SLC46A1: variants seen among roughly 807,000 people sequenced by gnomAD.
SLC46A1 encodes the protein proton-coupled folate transporter.
SLC46A1 carries 17 observed loss-of-function variants against 32.1 expected under a neutral mutation model. The observed-to-expected ratio is 0.53, with a 90% CI of 0.36 to 0.79. The LOEUF is 0.79. Among genes scored for constraint, SLC46A1 ranks in the 30% least tolerant of loss-of-function variants. The probability of loss-of-function intolerance (pLI) is 0.00; values close to 1 mark genes in which losing one functional copy is unlikely to be tolerated. For missense variants in SLC46A1, 517 were observed against 588.2 expected, an observed-to-expected ratio of 0.88 and a Z score of 1.25; for synonymous variants, 240 against 262.7, an observed-to-expected ratio of 0.91 and a Z score of 0.84.
Position 28,405,398 on chromosome 17 carries a change from G to C in SLC46A1, c.299C>G (p.Ser100Trp). 1 of 1,587,492 alleles carries C rather than the reference G, an allele frequency of 6.3e-7. No homozygotes were observed. Among genetic ancestry groups the C allele is most frequent in the Non-Finnish European group, 8.6e-7 (1 of 1,167,654 alleles). Reference protein sequence around the residue: ...NVGGFLVGLFSSTLLGAWSDS... With the variant: ...NVGGFLVGLFWSTLLGAWSDS... ...GCTCCAAGCTCCCAGCAGGGTGGAC[G>C]AGAAGAGCCCCACCAGGAAGCCGCC... is the stretch of plus-strand genomic sequence containing the variant. Residue 100 changes from serine to tryptophan, a missense_variant, in exon 2 of 5, where the codon TCG becomes TGG. Ser to Trp is a radical substitution (Grantham distance 177, BLOSUM62 -3). Transcript: ENST00000612814.
chr17:28,399,725 CAG>C lies in SLC46A1; in HGVS notation c.1323-14_1323-13del, dbSNP rs1236055615. ...CCTTTTCCAGCATCCTGTGAGAGAC[CAG>C]AGAGAGAGTTTGGATTTCATGTGGG... On this transcript the variant is annotated splice_polypyrimidine_tract_variant and intron_variant, in intron 4 of 4. Coordinates refer to ENST00000612814, the MANE Select transcript of SLC46A1 (RefSeq NM_080669.6). The C allele has an allele frequency of 1.9e-6, 3 of 1,613,602 alleles. No individual in the cohort carries two copies. Among genetic ancestry groups the C allele is most frequent in the Middle Eastern group, 1.6e-4 (1 of 6,084 alleles).
Position 28,404,713 on chromosome 17 carries a change from G to A in SLC46A1, c.984C>T (p.Cys328=), listed in dbSNP as rs782162759. ...TCTCAGCTACCCAGGCATCGGCCAGGCAGTACTGCAGGAGCTTCAGGGCCA... is the reference window on the plus strand; with the variant it reads ...TCTCAGCTACCCAGGCATCGGCCAGACAGTACTGCAGGAGCTTCAGGGCCA... ...SLLALKLLQY[C]LADAWVAEIG... is the part of the protein sequence containing the mutation. The change falls in exon 2 of 5, where the codon TGC becomes TGT. Residue 328 remains cysteine (C), a synonymous_variant. Transcript: ENST00000612814. 6.2e-7 allele frequency: 1 copy of A among 1,614,024 alleles called. No homozygotes were observed. The highest frequency in any genetic ancestry group is 8.5e-7 in the Non-Finnish European group (1 of 1,179,890).
chr17:28,405,659 C>T (rs1361193875), intron 1 of SLC46A1, 191 bp from the exon 2 acceptor site: 32 of 983,064 alleles, frequency 3.3e-5, no homozygotes, highest in Non-Finnish European at 4.7e-5. Flanking sequence ...ATTCCCTTTC[C>T]TTTCCCCCCC....
chr17:28,404,893 G>A lies in SLC46A1; in HGVS notation c.804C>T (p.Ala268=). 1.9e-6 allele frequency: 3 copies of A among 1,614,046 alleles called. No homozygotes were observed. Among genetic ancestry groups the A allele is most frequent in the Non-Finnish European group, 1.7e-6 (2 of 1,179,906 alleles). ...PAPEKSRKHL[A]LYSLAIFVVI... ...CCACGAAGATGGCCAGTGAGTAGAGGGCTAAATGTTTCCTGGACTTCTCTG... is the reference window on the plus strand; with the variant it reads ...CCACGAAGATGGCCAGTGAGTAGAGAGCTAAATGTTTCCTGGACTTCTCTG... The change falls in exon 2 of 5, where the codon GCC becomes GCT. Residue 268 remains alanine, a synonymous_variant. Coordinates refer to ENST00000612814, the MANE Select transcript of SLC46A1 (RefSeq NM_080669.6).
intron 3 of SLC46A1, 161 bp downstream of exon 3, chr17:28,402,077 C>T (rs2142458478): frequency 3.3e-6 from 2 of 600,614 alleles, no homozygotes; most frequent in East Asian, 2.8e-5. Context: ...ATCCTCTGCC[C>T]ATTGTGGGCA....
Position 28,404,981 on chromosome 17 carries a change from G to C in SLC46A1, c.716C>G (p.Ser239Cys). The C allele has an allele frequency of 6.2e-7, 1 of 1,614,044 alleles. No individual in the cohort carries two copies. The highest frequency in any genetic ancestry group is 8.5e-7 in the Non-Finnish European group (1 of 1,179,898). ...GTGACGGAACGTGAAGAGCCGGGTG[G>C]ACTTTGGCTCCTTTAAGGTCTCACC... ...CFGETLKEPK[S>C]TRLFTFRHHR... The change falls in exon 2 of 5, where the codon TCC becomes TGC. Residue 239 changes from serine (S) to cysteine (C), a missense_variant. By Grantham distance (112) the Ser-to-Cys change is moderately radical. Transcript: ENST00000612814.
In SLC46A1 at chr17:28,404,693, G is replaced by T. The variant is rs281875208; in HGVS notation, c.1004C>A (p.Ala335Asp). The part of the protein sequence containing the change: ...LQYCLADAWV[A>D]EIGLAFNILG... The stretch of plus-strand genomic sequence containing the variant: ...GATGTTGAAGGCCAGGCCGATCTCA[G>T]CTACCCAGGCATCGGCCAGGCAGTA... The change falls in exon 2 of 5, where the codon GCT becomes GAT. Residue 335 changes from alanine (A) to aspartate (D), a missense_variant. Transcript: ENST00000612814. The T allele has an allele frequency of 7.1e-5, 115 of 1,613,800 alleles. No individual in the cohort carries two copies. The highest frequency in any genetic ancestry group is 9.4e-5 in the Non-Finnish European group (111 of 1,179,836).
chr17:28,399,733 G>C lies in SLC46A1; in HGVS notation c.1323-20C>G, dbSNP rs141934516. 40 of 1,613,808 alleles carry C rather than the reference G, an allele frequency of 2.5e-5. No homozygotes were observed. In the African/African-American group the frequency reaches 5.2e-4, roughly 21 times the overall value. On this transcript the variant is annotated intron_variant, in intron 4 of 4. Coordinates refer to ENST00000612814, the MANE Select transcript of SLC46A1 (RefSeq NM_080669.6). ...AGCATCCTGTGAGAGACCAGAGAGA[G>C]AGTTTGGATTTCATGTGGGGAACCC...
At chr17:28,400,186 C>A (rs1005551911) in intron 4 of SLC46A1, 14 of 241,958 alleles carry the variant, frequency 5.8e-5, no homozygotes, top group Non-Finnish European at 1.1e-4. Flanking sequence ...AGAGCCTCCA[C>A]GCCCGGCCAT....
At chr17:28,400,881 C>T in intron 3 of SLC46A1, 115 bp from the exon 4 acceptor site, 2 of 890,732 alleles carry the variant, frequency 2.2e-6, no homozygotes, top group South Asian at 2.9e-5. Context: ...GTCTCCCCTT[C>T]CTCACCAGTA....
intron 2 of SLC46A1, chr17:28,403,660 T>C (rs1597833623): frequency 1.3e-5 from 2 of 151,936 alleles, no homozygotes; most frequent in Admixed American, 1.3e-4. Context: ...GATTATTGTA[T>C]TGTTGACTAT....
chr17:28,396,377 G>A lies in SLC46A1; in HGVS notation c.*3279C>T, dbSNP rs539239937. ...CCTGAAACCAGTCTCCCTGGGCTGA[G>A]ACAACCTGGGCTCTTCTTAGGAAAT... On this transcript the variant is annotated 3_prime_UTR_variant, in exon 5 of 5. Coordinates refer to ENST00000612814, the MANE Select transcript of SLC46A1 (RefSeq NM_080669.6). The A allele has an allele frequency of 1.2e-4, 178 of 1,505,500 alleles. No homozygotes were observed. In the East Asian group the frequency reaches 3.4e-3, roughly 29 times the overall value. The allele number at this position is 1,505,500 out of a possible 1,614,324, so 93.3% of individuals were successfully genotyped here.
At position 28,399,606 on chromosome 17, in the gene SLC46A1, C is replaced by T. The variant is rs1277024128; in HGVS notation, c.*50G>A. The T allele has an allele frequency of 6.3e-7, 1 of 1,599,168 alleles. No individual in the cohort carries two copies. Among genetic ancestry groups the T allele is most frequent in the Non-Finnish European group, 8.6e-7 (1 of 1,166,910 alleles). The stretch of plus-strand genomic sequence containing the variant: ...GCTTCCAGCTGCAGACCTCCAGTTG[C>T]TTGGTGTTCACTTTGCTCCTCTTGC... On this transcript the variant is annotated 3_prime_UTR_variant, in exon 5 of 5. Coordinates refer to ENST00000612814, the MANE Select transcript of SLC46A1 (RefSeq NM_080669.6).
chr17:28,400,898 G>A, intron 3 of SLC46A1, 132 bp from the exon 4 acceptor site: 1 of 789,482 alleles, frequency 1.3e-6, no homozygotes, highest in Non-Finnish European at 2.1e-6. Context: ...AGTAAATCCT[G>A]CTACATCATG....
At position 28,405,159 on chromosome 17, in the gene SLC46A1, G is replaced by A. The variant is rs1555590761; in HGVS notation, c.538C>T (p.Arg180Trp). 3.1e-6 allele frequency: 5 copies of A among 1,610,970 alleles called. No homozygotes were observed. The highest frequency in any genetic ancestry group is 2.2e-5 in the South Asian group (2 of 90,868). ...ATGCTGGCTTCCAGCAGGGCCATCCGGAAGGTGCGGCTGCGACTGGAGCTG... is the reference window on the plus strand; with the variant it reads ...ATGCTGGCTTCCAGCAGGGCCATCCAGAAGGTGCGGCTGCGACTGGAGCTG... The part of the protein sequence containing the change: ...DVSSSRSRTF[R>W]MALLEASIGV... Residue 180 changes from arginine (R) to tryptophan (W), a missense_variant, in exon 2 of 5, where the codon CGG (arginine) becomes TGG (tryptophan). Transcript: ENST00000612814.
intron 1 of SLC46A1, 26 bp downstream of exon 1, chr17:28,405,861 T>A (rs1402540792): frequency 2.6e-6 from 4 of 1,543,032 alleles, no homozygotes; most frequent in African/African-American, 2.7e-5. Context: ...GCCCTCCACC[T>A]GCCAGGCTCC....
chr17:28,399,793 C>G, intron 4 of SLC46A1, 80 bp from the exon 5 acceptor site: 2 of 1,461,074 alleles, frequency 1.4e-6, no homozygotes, highest in East Asian at 2.3e-5. Context: ...ACAGGATTTA[C>G]TGGGGTGGGC....
Position 28,404,961 on chromosome 17 carries a change from G to A in SLC46A1, c.736C>T (p.Arg246Cys), listed in dbSNP as rs370673122. ...AGCTGGACAATGGATCGGTGGTGAC[G>A]GAACGTGAAGAGCCGGGTGGACTTT... ...EPKSTRLFTF[R>C]HHRSIVQLYV... The change falls in exon 2 of 5, where the codon CGT becomes TGT. Residue 246 changes from arginine to cysteine, a missense_variant. Physicochemically the swap from Arg to Cys is radical, Grantham distance 180. Coordinates refer to ENST00000612814, the MANE Select transcript of SLC46A1 (RefSeq NM_080669.6). 48 of 1,613,924 alleles carry A rather than the reference G, an allele frequency of 3.0e-5. No individual in the cohort carries two copies. The African/African-American group carries it at 5.1e-4, about 17-fold the overall frequency.
chr17:28,400,017 C>CT (rs1348584303), intron 4 of SLC46A1: 1 of 388,122 alleles, frequency 2.6e-6, no homozygotes, highest in African/African-American at 2.1e-5. Flanking sequence ...CCTCAGCCTC[C>CT]TTAGTAGCTG....
Sources: gnomAD v4.1 joint callset for allele counts on GRCh38, gnomAD v4.1.1 for gene constraint, MANE v1.5 for transcripts, NCBI Gene and HGNC (gene_info 2026-07-23, HGNC 2026-07-21) for gene names.